TM4SF4: variants seen among roughly 807,000 people sequenced by gnomAD.
TM4SF4 encodes the protein transmembrane 4 L six family member 4, also known as transmembrane 4 L6 family member 4.
In TM4SF4, 24 loss-of-function variants were observed where a neutral mutation model predicts 24.1. The ratio of observed to expected loss-of-function variants is 1.00; its 90% CI spans 0.72 to 1.40. The LOEUF (loss-of-function observed/expected upper bound fraction) is 1.40, where lower values mean the gene tolerates loss of function less well. Among genes scored for constraint, TM4SF4 ranks in the 40% most tolerant of loss-of-function variants. The probability of loss-of-function intolerance (pLI) is 0.00; values close to 1 mark genes in which losing one functional copy is unlikely to be tolerated. For synonymous variants in TM4SF4, 113 were observed against 97.0 expected, an observed-to-expected ratio of 1.17 and a Z score of -0.97; for missense variants, 254 against 254.2, an observed-to-expected ratio of 1.00 and a Z score of 0.01.
intron 3 of TM4SF4, among the ~76,000 whole-genome samples, chr3:149,497,567 T>C (rs67283005): frequency 3.9e-5 from 6 of 152,196 alleles, no homozygotes; most frequent in African/African-American, 1.2e-4. Context: ...AGTCATAATA[T>C]TCCACAAGAT....
intron 2 of TM4SF4, among the ~76,000 whole-genome samples, chr3:149,486,644 G>C (rs970985580): frequency 6.6e-6 from 1 of 152,088 alleles, no homozygotes. Context: ...AAATATGGTA[G>C]TCTAATCTGT....
At chr3:149,479,435 C>T (rs1317716736) in intron 2 of TM4SF4, among the ~76,000 whole-genome samples, 1 of 149,910 alleles carries the variant, frequency 6.7e-6, no homozygotes, top group Non-Finnish European at 1.5e-5. Flanking sequence ...ACTTCTGGAA[C>T]TCCTGAACTC....
chr3:149,479,091 C>T (rs956282186), intron 2 of TM4SF4, among the ~76,000 whole-genome samples: 1 of 152,072 alleles, frequency 6.6e-6, no homozygotes, highest in African/African-American at 2.4e-5. Context: ...TTAATCAGCT[C>T]CCAATTTTTA....
At chr3:149,478,163 G>C (rs536736541) in intron 2 of TM4SF4, among the ~76,000 whole-genome samples, 1 of 152,342 alleles carries the variant, frequency 6.6e-6, no homozygotes, top group East Asian at 1.9e-4. Flanking sequence ...TTGTTTGTTT[G>C]AGATGGAGTT....
At chr3:149,495,251 C>A in intron 3 of TM4SF4, 1 of 214,198 alleles carries the variant, frequency 4.7e-6, no homozygotes. Flanking sequence ...ATGCTAGAGC[C>A]AAGTAGTAAC....
At chr3:149,491,515 A>C (rs1354570875) in intron 3 of TM4SF4, among the ~76,000 whole-genome samples, 1 of 151,706 alleles carries the variant, frequency 6.6e-6, no homozygotes, top group African/African-American at 2.4e-5. Flanking sequence ...ATATATATAC[A>C]CACACACACA....
chr3:149,483,524 G>GA (rs200330861), intron 2 of TM4SF4, among the ~76,000 whole-genome samples: 1,963 of 136,292 alleles, frequency 0.014, 43 homozygotes, highest in African/African-American at 0.046. Context: ...GGAGTCACAG[G>GA]AAAAAAAAAA....
At chr3:149,497,770 G>T (rs1461227185) in intron 3 of TM4SF4, among the ~76,000 whole-genome samples, 1 of 152,122 alleles carries the variant, frequency 6.6e-6, no homozygotes, top group Non-Finnish European at 1.5e-5. Context: ...TTAGTCTCCT[G>T]AGTAGCTGGG....
At chr3:149,484,495 T>C (rs546581073) in intron 2 of TM4SF4, among the ~76,000 whole-genome samples, 2 of 152,168 alleles carry the variant, frequency 1.3e-5, no homozygotes, top group East Asian at 3.9e-4. Context: ...GCGATTCTCC[T>C]GCCTCAGCCT....
intron 4 of TM4SF4, among the ~76,000 whole-genome samples, chr3:149,499,132 C>T (rs541599957): frequency 7.9e-4 from 120 of 152,286 alleles, no homozygotes; most frequent in Admixed American, 1.4e-3. Flanking sequence ...TGTTAAAACA[C>T]CCAGGCTGAA....
intron 3 of TM4SF4, among the ~76,000 whole-genome samples, chr3:149,488,782 C>A (rs976498230): frequency 5.9e-5 from 9 of 152,110 alleles, no homozygotes; most frequent in African/African-American, 2.2e-4. Flanking sequence ...ACCGTCTCAG[C>A]CCCTCTGCCT....
chr3:149,476,001 C>A, intron 2 of TM4SF4, 89 bp downstream of exon 2: 1 of 1,087,918 alleles, frequency 9.2e-7, no homozygotes, highest in Non-Finnish European at 1.4e-6. Context: ...GACAAGTTAT[C>A]AGCTCCAGCC....
At chr3:149,483,157 G>A (rs1034275723) in intron 2 of TM4SF4, among the ~76,000 whole-genome samples, 7 of 142,070 alleles carry the variant, frequency 4.9e-5, no homozygotes, top group Admixed American at 1.4e-4. Flanking sequence ...ACCTATTTCT[G>A]AAAGGGTGGT....
chr3:149,495,743 C>G (rs1734298695), intron 3 of TM4SF4: 1 of 232,656 alleles, frequency 4.3e-6, no homozygotes, highest in Non-Finnish European at 8.8e-6. Context: ...GTTTGCTGAG[C>G]TGAAGGAAAA....
intron 1 of TM4SF4, among the ~76,000 whole-genome samples, chr3:149,475,581 A>G (rs1733913715): frequency 6.6e-6 from 1 of 152,220 alleles, no homozygotes; most frequent in African/African-American, 2.4e-5. Flanking sequence ...TTTTTCTAAC[A>G]CACCATCTAA....
chr3:149,494,441 C>T (rs1734275391), intron 3 of TM4SF4, among the ~76,000 whole-genome samples: 1 of 152,192 alleles, frequency 6.6e-6, no homozygotes, highest in African/African-American at 2.4e-5. Context: ...ATTCTTTCAC[C>T]TCAGGATCTT....
At chr3:149,499,054 G>A in intron 4 of TM4SF4, 143 bp downstream of exon 4, 1 of 778,490 alleles carries the variant, frequency 1.3e-6, no homozygotes, top group East Asian at 2.6e-5. Context: ...GCCCAGGTTG[G>A]GAAGCCCAGT....
intron 2 of TM4SF4, among the ~76,000 whole-genome samples, chr3:149,477,403 C>A (rs996137591): frequency 6.6e-6 from 1 of 152,194 alleles, no homozygotes; most frequent in African/African-American, 2.4e-5. Flanking sequence ...ACATGTCCAC[C>A]TAAAAGATTC....
chr3:149,499,554 C>T (rs1734377628), intron 4 of TM4SF4, among the ~76,000 whole-genome samples: 1 of 152,106 alleles, frequency 6.6e-6, no homozygotes, highest in Admixed American at 6.5e-5. Flanking sequence ...CAATTATTCA[C>T]ACACATACAC....
Sources: allele counts gnomAD v4.1 joint callset (sites outside exome capture counted in the v4.1 genomes callset), GRCh38; gene constraint gnomAD v4.1.1; transcripts MANE v1.5; gene names NCBI Gene and HGNC (gene_info 2026-07-23, HGNC 2026-07-21).